DOCK2: variants seen among roughly 807,000 people sequenced by gnomAD.
DOCK2 encodes the protein dedicator of cytokinesis protein 2.
A neutral mutation model predicts 248.9 loss-of-function variants in DOCK2; 87 were observed. The ratio of observed to expected loss-of-function variants is 0.35; its 90% confidence interval spans 0.29 to 0.42. The LOEUF is 0.42. DOCK2 is among the 10% of genes least tolerant of loss of function. DOCK2 has a pLI of 1.00. For missense variants in DOCK2, 1,747 were observed against 2,300.2 expected, an observed-to-expected ratio of 0.76 and a Z score of 4.92; for synonymous variants, 805 against 821.6, an observed-to-expected ratio of 0.98 and a Z score of 0.35.
At chr5:169,940,037 G>A (rs1001763984) in intron 27 of DOCK2, among the ~76,000 whole-genome samples, 3 of 152,182 alleles carry the variant, frequency 2.0e-5, no homozygotes, top group Non-Finnish European at 4.4e-5. Flanking sequence ...ATTCCCCAGG[G>A]AGTTTTCTCA....
At chr5:170,058,273 C>CTTAT (rs995962575) in intron 44 of DOCK2, among the ~76,000 whole-genome samples, 21 of 152,222 alleles carry the variant, frequency 1.4e-4, no homozygotes, top group Non-Finnish European at 2.2e-4. Flanking sequence ...TTTAGGATGT[C>CTTAT]TTATTTATTT....
chr5:169,972,583 AGAT>A (rs553321410), intron 27 of DOCK2, among the ~76,000 whole-genome samples: 9,935 of 45,590 alleles, frequency 0.22, 367 homozygotes, highest in African/African-American at 0.33. Context: ...ATAGATAGAT[AGAT>A]GATAGATAGA....
At chr5:169,707,260 G>A (rs980467759) in intron 14 of DOCK2, among the ~76,000 whole-genome samples, 6 of 152,132 alleles carry the variant, frequency 3.9e-5, no homozygotes, top group African/African-American at 1.4e-4. Flanking sequence ...GAACCTCTGA[G>A]GGTGATTTTT....
chr5:170,069,115 A>C, intron 45 of DOCK2, 22 bp from the exon 46 acceptor site: 3 of 1,609,522 alleles, frequency 1.9e-6, no homozygotes, highest in Non-Finnish European at 2.5e-6. Flanking sequence ...GGAAACCCTG[A>C]CCTCCTATCT....
intron 22 of DOCK2, among the ~76,000 whole-genome samples, chr5:169,740,084 A>T (rs1005960486): frequency 6.6e-6 from 1 of 152,278 alleles, no homozygotes; most frequent in Non-Finnish European, 1.5e-5. Flanking sequence ...CAAATTACAT[A>T]AAGTGTGCAG....
intron 33 of DOCK2, among the ~76,000 whole-genome samples, chr5:170,019,749 G>A (rs924303803): frequency 3.3e-5 from 5 of 152,156 alleles, no homozygotes; most frequent in Non-Finnish European, 5.9e-5. Flanking sequence ...TCTGGCAGTG[G>A]AAGAAGCACC....
intron 1 of DOCK2, among the ~76,000 whole-genome samples, chr5:169,649,476 A>G (rs1408632146): frequency 6.6e-6 from 1 of 152,254 alleles, no homozygotes; most frequent in Non-Finnish European, 1.5e-5. Flanking sequence ...TAAAAGTTCA[A>G]TAAACATTGA....
chr5:169,855,178 G>A (rs1218569315), intron 27 of DOCK2, among the ~76,000 whole-genome samples: 1 of 152,126 alleles, frequency 6.6e-6, no homozygotes. Context: ...TTTTTTTGAA[G>A]AATAAATGAG....
chr5:169,728,147 G>A (rs749200036), intron 22 of DOCK2, among the ~76,000 whole-genome samples: 3 of 152,166 alleles, frequency 2.0e-5, no homozygotes, highest in Non-Finnish European at 4.4e-5. Context: ...TGGACTTTCT[G>A]GTCCATTTGA....
chr5:170,063,341 G>T (rs921314004), intron 44 of DOCK2, among the ~76,000 whole-genome samples: 3 of 152,154 alleles, frequency 2.0e-5, no homozygotes, highest in Non-Finnish European at 2.9e-5. Flanking sequence ...GAAGGGAGCA[G>T]GCATATGCAA....
At chr5:169,773,437 C>G (rs1347196851) in intron 25 of DOCK2, among the ~76,000 whole-genome samples, 1 of 137,130 alleles carries the variant, frequency 7.3e-6, no homozygotes, top group Non-Finnish European at 1.6e-5. Context: ...TAAATAAACT[C>G]AATAAACTCT....
At chr5:169,826,428 C>A (rs186849054) in intron 26 of DOCK2, among the ~76,000 whole-genome samples, 2 of 151,926 alleles carry the variant, frequency 1.3e-5, no homozygotes, top group African/African-American at 2.4e-5. Flanking sequence ...CTGGGGGGGA[C>A]GAGCTGACCA....
intron 27 of DOCK2, among the ~76,000 whole-genome samples, chr5:169,941,354 T>C (rs1426003816): frequency 6.6e-6 from 1 of 152,182 alleles, no homozygotes; most frequent in African/African-American, 2.4e-5. Flanking sequence ...ATTACAGGCC[T>C]GTGCCCCCAG....
chr5:169,642,131 T>C (rs1362900523), intron 1 of DOCK2, among the ~76,000 whole-genome samples: 2 of 152,326 alleles, frequency 1.3e-5, no homozygotes, highest in African/African-American at 4.8e-5. Flanking sequence ...AGAACTTCAC[T>C]ACAGAGGGAC....
chr5:170,061,341 G>T (rs978667872), intron 44 of DOCK2, among the ~76,000 whole-genome samples: 12 of 152,208 alleles, frequency 7.9e-5, no homozygotes, highest in Non-Finnish European at 1.8e-4. Context: ...CCTGCCTTTG[G>T]AATCACAAAT....
chr5:169,802,248 A>C (rs1465135096), intron 25 of DOCK2, among the ~76,000 whole-genome samples: 2 of 152,146 alleles, frequency 1.3e-5, no homozygotes, highest in Non-Finnish European at 2.9e-5. Flanking sequence ...TGCAACCTCC[A>C]TTTCCTGGGT....
rs1310291209 is a variant in DOCK2 at position 170,054,642 on chromosome 5, A to G, written c.4214-663A>G. 3.3e-5 allele frequency among the ~76,000 whole-genome samples: 5 copies of G among 152,356 alleles called. No homozygotes were observed. In the East Asian group the frequency reaches 9.6e-4, roughly 29 times the overall value. On this transcript the variant is annotated intron_variant, in intron 41 of 51. Coordinates refer to ENST00000520908, the MANE Select transcript of DOCK2 (RefSeq NM_004946.3). Reference sequence around the variant, plus strand: ...GACATTTATTTGCATATTCTATAGCAGTGCTTCACAAATTTTAGCATGCAT... The same window carrying G: ...GACATTTATTTGCATATTCTATAGCGGTGCTTCACAAATTTTAGCATGCAT...
intron 22 of DOCK2, among the ~76,000 whole-genome samples, chr5:169,720,267 A>G (rs1249755577): frequency 3.3e-5 from 5 of 152,250 alleles, no homozygotes; most frequent in Admixed American, 2.6e-4. Context: ...GAGGAGTTCA[A>G]GAATTCAGAC....
intron 1 of DOCK2, among the ~76,000 whole-genome samples, chr5:169,650,198 G>A (rs1011646947): frequency 2.0e-5 from 3 of 152,084 alleles, no homozygotes; most frequent in Admixed American, 6.5e-5. Flanking sequence ...ACAGTAGTTA[G>A]GACAGTATCT....
Sources: allele counts gnomAD v4.1 joint callset (sites outside exome capture counted in the v4.1 genomes callset), GRCh38; gene constraint gnomAD v4.1.1; transcripts MANE v1.5; gene names NCBI Gene and HGNC (gene_info 2026-07-23, HGNC 2026-07-21).